Variants in NELL2 observed in about 807,000 individuals in gnomAD.
The protein encoded by NELL2 is protein kinase C-binding protein NELL2.
In NELL2, 41 loss-of-function variants were observed where a neutral mutation model predicts 109.6. The ratio of observed to expected loss-of-function variants is 0.37; its 90% CI spans 0.29 to 0.49. The LOEUF (loss-of-function observed/expected upper bound fraction) is 0.49. NELL2 is among the 20% of genes least tolerant of loss of function. The pLI, the probability that NELL2 is intolerant of heterozygous loss-of-function variation, is 0.98. For synonymous variants in NELL2, 355 were observed against 344.7 expected (o/e 1.03, Z -0.33); for missense variants, 900 against 1,008.3 (o/e 0.89, Z 1.45).
chr12:44,763,999 T>C (rs1366427762), intron 9 of NELL2, among the ~76,000 whole-genome samples: 1 of 152,110 alleles, frequency 6.6e-6, no homozygotes, highest in Non-Finnish European at 1.5e-5. Context: ...CTAAAACTAT[T>C]TTATGGGACT....
intron 9 of NELL2, among the ~76,000 whole-genome samples, chr12:44,732,771 G>C (rs567000218): frequency 6.6e-6 from 1 of 151,906 alleles, no homozygotes; most frequent in Non-Finnish European, 1.5e-5. Context: ...GGCAGCCTAT[G>C]GAATGCGAGA....
intron 15 of NELL2, among the ~76,000 whole-genome samples, chr12:44,602,141 T>C (rs1945245200): frequency 6.6e-6 from 1 of 152,022 alleles, no homozygotes; most frequent in Non-Finnish European, 1.5e-5. Flanking sequence ...GAATCATTGG[T>C]ATCTACACCC....
chr12:44,717,103 C>A (rs1340391286), intron 9 of NELL2, among the ~76,000 whole-genome samples: 1 of 152,046 alleles, frequency 6.6e-6, no homozygotes, highest in African/African-American at 2.4e-5. Flanking sequence ...TATCTCATTT[C>A]TTTTTTGATC....
At chr12:44,532,537 T>C (rs1254383315) in intron 16 of NELL2, 44 bp downstream of exon 16, 1 of 1,589,258 alleles carries the variant, frequency 6.3e-7, no homozygotes, top group Non-Finnish European at 8.6e-7. Context: ...ATTCCTCAAG[T>C]TCAAGAGAAG....
At chr12:44,579,933 C>A (rs1243508499) in intron 15 of NELL2, among the ~76,000 whole-genome samples, 2 of 152,138 alleles carry the variant, frequency 1.3e-5, no homozygotes, top group Admixed American at 1.3e-4. Context: ...TATTCTGTAG[C>A]TCTATGAAAC....
At chr12:44,813,020 A>G (rs1566451808) in intron 3 of NELL2, among the ~76,000 whole-genome samples, 1 of 152,120 alleles carries the variant, frequency 6.6e-6, no homozygotes, top group Non-Finnish European at 1.5e-5. Flanking sequence ...ATCTTGTATG[A>G]TTATGAGAGG....
chr12:44,742,800 G>A lies in NELL2; in HGVS notation c.995-28059C>T, dbSNP rs139638593. On this transcript the variant is annotated intron_variant, in intron 9 of 19. Coordinates refer to ENST00000429094, the MANE Select transcript of NELL2 (RefSeq NM_001145108.2). ...AAAGCCTCCAAGAAAATGGGACTACGTGAAAAGACCAAATCTACGTCTGAT... is the reference window on the plus strand; with the variant it reads ...AAAGCCTCCAAGAAAATGGGACTACATGAAAAGACCAAATCTACGTCTGAT... Among the ~76,000 whole-genome samples the A allele has an allele frequency of 4.3e-4, 66 of 152,306 alleles. No homozygotes were observed. In the East Asian group the frequency reaches 5.0e-3, roughly 12 times the overall value.
intron 2 of NELL2, among the ~76,000 whole-genome samples, chr12:44,838,594 C>G (rs1419103377): frequency 6.6e-6 from 1 of 151,756 alleles, no homozygotes; most frequent in Non-Finnish European, 1.5e-5. Flanking sequence ...CCACCTAGAA[C>G]AGTGCTTGAA....
intron 9 of NELL2, among the ~76,000 whole-genome samples, chr12:44,755,439 A>C (rs1022802333): frequency 6.6e-6 from 1 of 151,836 alleles, no homozygotes; most frequent in Non-Finnish European, 1.5e-5. Context: ...ATCTGGTCAC[A>C]GTCTCTCTCT....
intron 15 of NELL2, among the ~76,000 whole-genome samples, chr12:44,534,716 G>T (rs989874400): frequency 1.3e-5 from 2 of 152,086 alleles, no homozygotes; most frequent in East Asian, 3.9e-4. Flanking sequence ...TTAAGCTTTA[G>T]AAGTGAGTTT....
chr12:44,807,008 A>G (rs551633357), intron 3 of NELL2, among the ~76,000 whole-genome samples: 1 of 151,884 alleles, frequency 6.6e-6, no homozygotes, highest in Non-Finnish European at 1.5e-5. Context: ...CAAGACTAAG[A>G]CAGGGAAACC....
intron 15 of NELL2, among the ~76,000 whole-genome samples, chr12:44,570,943 T>C (rs1039056987): frequency 1.2e-4 from 18 of 152,178 alleles, no homozygotes; most frequent in African/African-American, 4.1e-4. Context: ...CAGCTAATAT[T>C]TCAAGACGGC....
rs1387620579 is a variant in NELL2 at position 44,523,494 on chromosome 12, AG to A, written c.1805-11del. The A allele has an allele frequency of 1.2e-6, 2 of 1,611,488 alleles. No individual in the cohort carries two copies. Among genetic ancestry groups the A allele is most frequent in the East Asian group, 4.5e-5 (2 of 44,884 alleles). ...CCACACTCATCAATATCTATAGACA[AG>A]AAAAAGCAGCACTCAATGTGCTTAG... On this transcript the variant is annotated splice_polypyrimidine_tract_variant and intron_variant, in intron 16 of 19. Transcript: ENST00000429094.
intron 2 of NELL2, among the ~76,000 whole-genome samples, chr12:44,835,466 C>G (rs1427121537): frequency 1.3e-5 from 2 of 152,156 alleles, no homozygotes; most frequent in Non-Finnish European, 1.5e-5. Flanking sequence ...GTGTCCACTC[C>G]AGAGAGAGGC....
At chr12:44,912,679 C>T (rs1274489610) in intron 1 of NELL2, among the ~76,000 whole-genome samples, 1 of 152,114 alleles carries the variant, frequency 6.6e-6, no homozygotes, top group Non-Finnish European at 1.5e-5. Flanking sequence ...CTTCTACATG[C>T]TAAGCCTAAT....
chr12:44,823,001 T>C (rs1458460790), intron 2 of NELL2, among the ~76,000 whole-genome samples: 1 of 152,138 alleles, frequency 6.6e-6, no homozygotes, highest in Admixed American at 6.5e-5. Flanking sequence ...ATTTCTAAAA[T>C]AGACTGTACT....
chr12:44,647,737 A>C (rs905932561), intron 13 of NELL2, among the ~76,000 whole-genome samples: 6 of 111,444 alleles, frequency 5.4e-5, no homozygotes, highest in Non-Finnish European at 8.8e-5. Flanking sequence ...AATTTCAATA[A>C]GTGAAGAAAA....
intron 9 of NELL2, among the ~76,000 whole-genome samples, chr12:44,731,113 C>G (rs969653656): frequency 6.6e-6 from 1 of 152,110 alleles, no homozygotes; most frequent in African/African-American, 2.4e-5. Flanking sequence ...AATCAAAAAT[C>G]TCTCAGCAAA....
At chr12:44,509,014 A>G (rs1275395853) in intron 19 of NELL2, 30 bp from the exon 20 acceptor site, 1 of 1,592,090 alleles carries the variant, frequency 6.3e-7, no homozygotes. Context: ...AAAGAAAAAC[A>G]GTATGAATTT....
Sources: gnomAD v4.1 joint callset for allele counts (sites outside exome capture counted in the v4.1 genomes callset) on GRCh38, gnomAD v4.1.1 for gene constraint, MANE v1.5 for transcripts, NCBI Gene and HGNC (gene_info 2026-07-23, HGNC 2026-07-21) for gene names.